The following TET3 variants were observed in gnomAD, a reference collection of about 807,000 sequenced individuals.
TET3 encodes tet methylcytosine dioxygenase 3, also known as methylcytosine dioxygenase TET3.
In TET3, 19 loss-of-function variants were observed where a neutral mutation model predicts 141.4. The ratio of observed to expected loss-of-function variants is 0.13; its 90% CI spans 0.09 to 0.20. The LOEUF (loss-of-function observed/expected upper bound fraction) is 0.20, where lower values mean the gene tolerates loss of function less well. Among genes scored for constraint, TET3 ranks in the 10% least tolerant of loss-of-function variants. TET3 has a pLI of 1.00. For missense variants in TET3, 1,874 were observed against 2,356.9 expected (o/e 0.80, Z 4.24); for synonymous variants, 1,043 against 980.9 (o/e 1.06, Z -1.18).
the TET3 span, chr2:74,122,324 C>T: frequency 6.6e-6 from 1 of 151,332 alleles, no homozygotes; most frequent in South Asian, 2.1e-4. Context: ...GTGGAATGTA[C>T]AAAAACCCAA....
intron 3 of TET3, among the ~76,000 whole-genome samples, chr2:74,008,150 T>G (rs1286805570): frequency 6.6e-6 from 1 of 152,222 alleles, no homozygotes; most frequent in Admixed American, 6.5e-5. Flanking sequence ...CCACCCCTTC[T>G]GGACATGACT....
intron 3 of TET3, among the ~76,000 whole-genome samples, chr2:74,030,831 G>C (rs1686640139): frequency 2.0e-5 from 3 of 152,158 alleles, no homozygotes; most frequent in Admixed American, 6.5e-5. Flanking sequence ...CAAAAAGAAG[G>C]CAGATCTGAA....
intron 2 of TET3, among the ~76,000 whole-genome samples, chr2:73,994,638 C>CTTTCTTTTTT (rs1553412093): frequency 4.1e-5 from 4 of 96,744 alleles, no homozygotes; most frequent in African/African-American, 2.4e-4. Flanking sequence ...TTCTTTCTTT[C>CTTTCTTTTTT]TTTTTTTTTT....
chr2:74,105,359 G>T lies in TET3; in HGVS notation c.*3183G>T, dbSNP rs929272964. 7.5e-6 allele frequency: 3 copies of T among 398,484 alleles called. No individual in the cohort carries two copies. The highest frequency in any genetic ancestry group is 6.2e-5 in the African/African-American group (3 of 48,620). 24.7% of individuals were successfully genotyped at this position (398,484 alleles called of 1,614,324 possible). ...CCTGTTGCGTGCAAGGGAAGTGCTT[G>T]TAAAGTTCTGTGCTACGAGATTTTT... is the stretch of plus-strand genomic sequence containing the variant. On this transcript the variant is annotated 3_prime_UTR_variant, in exon 12 of 12. Coordinates refer to ENST00000409262, the MANE Select transcript of TET3 (RefSeq NM_001287491.2).
Position 74,048,209 on chromosome 2 carries a change from T to C in TET3, c.2292T>C (p.Ala764=). ...PKQIKIESSG[A]VTVLSTTCFH... ...AAATCAAGATTGAGTCTTCGGGGGCTGTGACTGTGCTCTCAACCACCTGCT... is the reference window on the plus strand; with the variant it reads ...AAATCAAGATTGAGTCTTCGGGGGCCGTGACTGTGCTCTCAACCACCTGCT... Residue 764 remains alanine, a synonymous_variant, in exon 4 of 12, where the codon GCT becomes GCC. Transcript: ENST00000409262. 6.2e-7 allele frequency: 1 copy of C among 1,612,866 alleles called. No individual in the cohort carries two copies. Among genetic ancestry groups the C allele is most frequent in the Non-Finnish European group, 8.5e-7 (1 of 1,179,472 alleles).
chr2:74,006,878 T>A (rs1685179696), intron 3 of TET3, among the ~76,000 whole-genome samples: 1 of 152,112 alleles, frequency 6.6e-6, no homozygotes, highest in Non-Finnish European at 1.5e-5. Flanking sequence ...GGAGATACAT[T>A]AGGAAGCCTT....
chr2:74,097,388 G>C (rs944552346), intron 10 of TET3, among the ~76,000 whole-genome samples: 4 of 152,178 alleles, frequency 2.6e-5, no homozygotes, highest in African/African-American at 9.7e-5. Flanking sequence ...GTATATAGTA[G>C]TGGGCAAAAG....
At chr2:73,984,081 G>T (rs894630693), upstream of TET3, among the ~76,000 whole-genome samples, 18 of 152,374 alleles carry the variant, frequency 1.2e-4, no homozygotes, top group Admixed American at 3.3e-4. The surrounding 1 kb of genome is among the most constrained non-coding windows in gnomAD (Gnocchi z 5.6). Flanking sequence ...ACTCTTCAAA[G>T]TGTCTGCGCC....
At chr2:74,056,601 C>T (rs6745236) in intron 4 of TET3, among the ~76,000 whole-genome samples, 59,902 of 151,974 alleles carry the variant, frequency 0.39, 14,954 homozygotes, top group African/African-American at 0.71. Flanking sequence ...TAAAATAGAT[C>T]TTTCTTTAAG....
intron 3 of TET3, among the ~76,000 whole-genome samples, chr2:74,044,887 T>G (rs1389629891): frequency 1.3e-5 from 2 of 152,226 alleles, no homozygotes; most frequent in African/African-American, 4.8e-5. Context: ...GACAGAATAT[T>G]ATCTTATCCA....
the TET3 span, among the ~76,000 whole-genome samples, chr2:74,117,992 C>A: frequency 6.6e-6 from 1 of 152,178 alleles, no homozygotes; most frequent in Non-Finnish European, 1.5e-5. Context: ...GATCCACCCA[C>A]CTCAGTCTCC....
Position 74,087,911 on chromosome 2 carries a change from A to T in TET3, c.2761A>T (p.Ile921Phe). 1 of 1,552,068 alleles carries T rather than the reference A, an allele frequency of 6.4e-7. No individual in the cohort carries two copies. Among genetic ancestry groups the T allele is most frequent in the East Asian group, 2.4e-5 (1 of 40,924 alleles). Reference sequence around the variant, plus strand: ...AGGCCACCACTGCCAGAACGCTGTGATCGTCATCCTCATCCTGGCCTGGGA... The same window carrying T: ...AGGCCACCACTGCCAGAACGCTGTGTTCGTCATCCTCATCCTGGCCTGGGA... ...RAGHHCQNAVIVILILAWEGI... is the reference protein window; with the variant it reads ...RAGHHCQNAVFVILILAWEGI... The change falls in exon 7 of 12, where the codon ATC (isoleucine) becomes TTC (phenylalanine). Residue 921 changes from isoleucine to phenylalanine, a missense_variant. By Grantham distance (21) the Ile-to-Phe change is conservative. Around this residue, in one of 10 missense-constraint regions of TET3, gnomAD observed 126 missense variants for 327.4 expected, o/e 0.38. Transcript: ENST00000409262. This position sits in a 1 kb window ranked among gnomAD's most constrained non-coding sequence, Gnocchi z 4.3.
intron 3 of TET3, among the ~76,000 whole-genome samples, chr2:74,037,216 ACT>A (rs1277492642): frequency 1.4e-4 from 22 of 152,080 alleles, no homozygotes; most frequent in Admixed American, 1.2e-3. Context: ...TTCCCCTAAA[ACT>A]CTCTTTCTGC....
intron 2 of TET3, among the ~76,000 whole-genome samples, chr2:73,991,171 T>C (rs1298012230): frequency 1.3e-5 from 2 of 152,106 alleles, no homozygotes; most frequent in Non-Finnish European, 2.9e-5. Flanking sequence ...CTTGAACTGG[T>C]GAATTACAAT....
At chr2:74,117,112 G>A in the TET3 span, among the ~76,000 whole-genome samples, 2 of 152,176 alleles carry the variant, frequency 1.3e-5, no homozygotes, top group African/African-American at 4.8e-5. Context: ...TTGTGCTTGT[G>A]TTTTGAAGGT....
chr2:73,986,059 CACCCCT>C lies in TET3; in HGVS notation c.-341_-336del, dbSNP rs1558686249. On this transcript the variant is annotated 5_prime_UTR_variant, in exon 2 of 12. Coordinates refer to ENST00000409262, the MANE Select transcript of TET3 (RefSeq NM_001287491.2). ...TGCTCACTCAGCTCTGCCCCCACCA[CACCCCT>C]ACCTGCTCAACTCATGCCTGGGTCC... 4.8e-6 allele frequency: 1 copy of C among 209,500 alleles called. No homozygotes were observed. The highest frequency in any genetic ancestry group is 5.9e-5 in the Admixed American group (1 of 16,880). 13.0% of individuals were successfully genotyped at this position (209,500 alleles called of 1,614,324 possible). A position where few individuals can be genotyped will look rare whatever the true frequency, so the allele number is the denominator to read the frequency against.
intron 3 of TET3, among the ~76,000 whole-genome samples, chr2:74,040,549 C>G (rs1313093600): frequency 6.6e-6 from 1 of 152,086 alleles, no homozygotes; most frequent in African/African-American, 2.4e-5. Context: ...CAAGCTGACT[C>G]TCAGTGGGCT....
chr2:74,092,231 A>G (rs915774086), intron 8 of TET3, among the ~76,000 whole-genome samples: 7 of 151,924 alleles, frequency 4.6e-5, no homozygotes, highest in Non-Finnish European at 8.8e-5. Flanking sequence ...AACCCAGGAG[A>G]TGGAGGTTGC....
chr2:74,046,575 CTCTATGAAACCT>C lies in TET3; in HGVS notation c.661_672del (p.Tyr221_Phe224del). The C allele has an allele frequency of 6.2e-7, 1 of 1,614,046 alleles. No homozygotes were observed. The highest frequency in any genetic ancestry group is 8.5e-7 in the Non-Finnish European group (1 of 1,179,884). On this transcript the variant is annotated inframe_deletion, in exon 4 of 12. Transcript: ENST00000409262. This position sits in a 1 kb window ranked among gnomAD's most constrained non-coding sequence, Gnocchi z 4.3. ...CTCTTATGGGGCCCTTAGCACCCGGCTCTATGAAACCTTCAACCGTGAGATGAGTCGTGAGGC... is the reference window on the plus strand; with the variant it reads ...CTCTTATGGGGCCCTTAGCACCCGGCTCAACCGTGAGATGAGTCGTGAGGC...
Sources: allele counts gnomAD v4.1 joint callset (sites outside exome capture counted in the v4.1 genomes callset), GRCh38; gene constraint gnomAD v4.1.1; regional missense constraint gnomAD v4.1.1; non-coding constraint Gnocchi (gnomAD v3.1); transcripts MANE v1.5; gene names NCBI Gene and HGNC (gene_info 2026-07-23, HGNC 2026-07-21).